Variants in RETREG1 observed in about 807,000 individuals in gnomAD.
The protein encoded by RETREG1 is family with sequence similarity 134 member B.
A neutral mutation model predicts 54.8 loss-of-function variants in RETREG1; 44 were observed. The observed-to-expected ratio is 0.80, with a 90% CI of 0.63 to 1.03. The LOEUF is 1.03. Among genes scored for constraint, RETREG1 ranks in the 50% least tolerant of loss-of-function variants. The pLI is 0.00. For synonymous variants in RETREG1, 217 were observed against 238.5 expected, an observed-to-expected ratio of 0.91 and a Z score of 0.83; for missense variants, 554 against 605.1, an observed-to-expected ratio of 0.92 and a Z score of 0.89.
chr5:16,611,469 T>C (rs940786084), intron 1 of RETREG1, among the ~76,000 whole-genome samples: 2 of 151,998 alleles, frequency 1.3e-5, no homozygotes, highest in African/African-American at 4.8e-5. Flanking sequence ...AGCTGCATCA[T>C]AAGCCATTAA....
rs535585353 is a variant in RETREG1 at position 16,565,050 on chromosome 5, C to T, written c.458+713G>A. On this transcript the variant is annotated intron_variant, in intron 3 of 8. Transcript: ENST00000306320. ...AGGCAGAAATTTAAAAAATCAATTC[C>T]TACAAAAATTCATCTTACTGCAATA... Among the ~76,000 whole-genome samples the T allele has an allele frequency of 1.8e-4, 28 of 152,126 alleles. No individual in the cohort carries two copies. The South Asian group carries it at 5.6e-3, about 30-fold the overall frequency.
rs1359875627 is a variant in RETREG1 at position 16,477,175 on chromosome 5, T to G, written c.1000+487A>C. Among the ~76,000 whole-genome samples the G allele has an allele frequency of 2.0e-5, 3 of 152,172 alleles. No individual in the cohort carries two copies. In the East Asian group the frequency reaches 5.8e-4, roughly 29 times the overall value. On this transcript the variant is annotated intron_variant, in intron 8 of 8. Transcript: ENST00000306320. ...AGGCAAATTTGGACATTGACTGATT[T>G]ATTTTCCTCATACTTTTTAAAAAAC...
At position 16,506,173 on chromosome 5, in the gene RETREG1, G is replaced by A. The variant is rs375166513; in HGVS notation, c.459-22701C>T. 4.9e-4 allele frequency among the ~76,000 whole-genome samples: 75 copies of A among 152,342 alleles called. 1 individual carries two copies. The highest frequency in any genetic ancestry group is 1.5e-3 in the African/African-American group (62 of 41,588). ...CACCTGGATACACTTATGAAGCTGC[G>A]GAGCATTTGGCTTCCACTGATTTTT... On this transcript the variant is annotated intron_variant, in intron 3 of 8. Transcript: ENST00000306320.
At chr5:16,540,977 C>T (rs867063949) in intron 3 of RETREG1, among the ~76,000 whole-genome samples, 1 of 152,212 alleles carries the variant, frequency 6.6e-6, no homozygotes, top group African/African-American at 2.4e-5. Flanking sequence ...ACTTATTACG[C>T]ACCAGCACCA....
intron 3 of RETREG1, chr5:16,508,695 T>C (rs978447961): frequency 3.6e-5 from 58 of 1,605,284 alleles, no homozygotes; most frequent in Non-Finnish European, 4.9e-5. Flanking sequence ...ATAGTTTCTT[T>C]TCTACTCTAA....
At chr5:16,613,976 A>G (rs1192721715) in intron 1 of RETREG1, among the ~76,000 whole-genome samples, 2 of 152,262 alleles carry the variant, frequency 1.3e-5, no homozygotes, top group African/African-American at 4.8e-5. Context: ...TTATAATGCA[A>G]AAGCAACAAG....
chr5:16,588,886 A>G (rs1472630193), intron 1 of RETREG1, among the ~76,000 whole-genome samples: 1 of 152,182 alleles, frequency 6.6e-6, no homozygotes, highest in Non-Finnish European at 1.5e-5. Context: ...AAAATCCTCA[A>G]ATACAAAATC....
At chr5:16,569,372 T>G (rs1313643522) in intron 2 of RETREG1, among the ~76,000 whole-genome samples, 4 of 151,642 alleles carry the variant, frequency 2.6e-5, no homozygotes, top group African/African-American at 9.7e-5. Flanking sequence ...TGAAAGCCTG[T>G]CCTTGGACAA....
intron 2 of RETREG1, among the ~76,000 whole-genome samples, chr5:16,569,353 G>A (rs1033018105): frequency 4.7e-5 from 7 of 149,594 alleles, no homozygotes; most frequent in Non-Finnish European, 8.9e-5. Context: ...ACTGTCATCC[G>A]GTGAAGACTG....
chr5:16,482,982 A>G (rs1342118475), intron 4 of RETREG1: 1 of 195,926 alleles, frequency 5.1e-6, no homozygotes, highest in African/African-American at 2.4e-5. Flanking sequence ...ACAGTCAAAG[A>G]ACTATGTATT....
intron 3 of RETREG1, among the ~76,000 whole-genome samples, chr5:16,548,898 C>T (rs1410210991): frequency 6.6e-6 from 1 of 152,216 alleles, no homozygotes; most frequent in East Asian, 1.9e-4. Flanking sequence ...CTATGGTATT[C>T]TGTTACGGCT....
chr5:16,541,771 AG>A (rs1741258145), intron 3 of RETREG1, among the ~76,000 whole-genome samples: 2 of 149,770 alleles, frequency 1.3e-5, no homozygotes, highest in Non-Finnish European at 3.0e-5. Flanking sequence ...GAAGGAAGGA[AG>A]GAAGGAAGGA....
rs1327633370 is a variant in RETREG1 at position 16,561,618 on chromosome 5, A to G, written c.458+4145T>C. Reference sequence around the variant, plus strand: ...CTTCCCCAAAGGAGAGAAATAGCCTAAGTCTAACAAAAGCCCTAGAATAGG... The same window carrying G: ...CTTCCCCAAAGGAGAGAAATAGCCTGAGTCTAACAAAAGCCCTAGAATAGG... On this transcript the variant is annotated intron_variant, in intron 3 of 8. Coordinates refer to ENST00000306320, the MANE Select transcript of RETREG1 (RefSeq NM_001034850.3). This position sits in a 1 kb window ranked among gnomAD's most constrained non-coding sequence, Gnocchi z 4.2. 6.6e-6 allele frequency among the ~76,000 whole-genome samples: 1 copy of G among 152,218 alleles called. No homozygotes were observed. Among genetic ancestry groups the G allele is most frequent in the Non-Finnish European group, 1.5e-5 (1 of 68,036 alleles).
At chr5:16,527,959 G>A (rs1481273917) in intron 3 of RETREG1, among the ~76,000 whole-genome samples, 32 of 151,624 alleles carry the variant, frequency 2.1e-4, no homozygotes, top group Non-Finnish European at 1.5e-4. Flanking sequence ...ACAGACACCC[G>A]CCACCACACC....
chr5:16,506,900 G>C (rs1455827015), intron 3 of RETREG1, among the ~76,000 whole-genome samples: 1 of 152,096 alleles, frequency 6.6e-6, no homozygotes, highest in Non-Finnish European at 1.5e-5. Context: ...AAAGGACGGG[G>C]AGTCTCTCAT....
chr5:16,565,728 T>G (rs1186909848), intron 3 of RETREG1, 35 bp downstream of exon 3: 9 of 1,610,222 alleles, frequency 5.6e-6, no homozygotes, highest in Non-Finnish European at 7.6e-6. Flanking sequence ...TCACCCTCCC[T>G]CCATTAAGCA....
chr5:16,573,111 G>A (rs1034998629), intron 1 of RETREG1, among the ~76,000 whole-genome samples: 2 of 148,664 alleles, frequency 1.3e-5, no homozygotes, highest in Non-Finnish European at 1.5e-5. Context: ...GAACCTGGGA[G>A]GCGGAGGTTG....
At position 16,516,531 on chromosome 5, in the gene RETREG1, C is replaced by T. The variant is rs147546337; in HGVS notation, c.459-33059G>A. Among the ~76,000 whole-genome samples the T allele has an allele frequency of 4.1e-3, 629 of 152,280 alleles. 10 individuals are homozygous for T. The highest frequency in any genetic ancestry group is 0.035 in the South Asian group (170 of 4,820). ...TCGCTGGGGGAAGGGCCTGAGCACCCGCATCTTAGCACATTTCCCCCAAAC... is the reference window on the plus strand; with the variant it reads ...TCGCTGGGGGAAGGGCCTGAGCACCTGCATCTTAGCACATTTCCCCCAAAC... On this transcript the variant is annotated intron_variant, in intron 3 of 8. Transcript: ENST00000306320.
intron 3 of RETREG1, among the ~76,000 whole-genome samples, chr5:16,548,232 A>G (rs912136070): frequency 2.0e-5 from 3 of 152,084 alleles, no homozygotes; most frequent in Non-Finnish European, 2.9e-5. Flanking sequence ...GGCCAAAGGT[A>G]TTTTTCCCTT....
Sources: allele counts gnomAD v4.1 joint callset (sites outside exome capture counted in the v4.1 genomes callset), GRCh38; gene constraint gnomAD v4.1.1; non-coding constraint Gnocchi (gnomAD v3.1); transcripts MANE v1.5; gene names NCBI Gene and HGNC (gene_info 2026-07-23, HGNC 2026-07-21).